Variants in WWOX observed in about 807,000 individuals in gnomAD.
The protein encoded by WWOX is WW domain containing oxidoreductase, also known as WW domain-containing oxidoreductase.
Under a neutral mutation model 46.2 loss-of-function variants are expected in WWOX, and 69 were observed. The observed-to-expected ratio is 1.49, with a 90% CI of 1.23 to 1.82. WWOX has a LOEUF of 1.82. WWOX is among the 40% of genes most tolerant of loss of function. The pLI, the probability that WWOX is intolerant of heterozygous loss-of-function variation, is 0.00. For missense variants in WWOX, 919 were observed against 542.6 expected, an observed-to-expected ratio of 1.69 and a Z score of -6.89; for synonymous variants, 359 against 202.6, an observed-to-expected ratio of 1.77 and a Z score of -6.56.
Position 79,139,875 on chromosome 16 carries a change from C to G in WWOX, c.1057-71733C>G, listed in dbSNP as rs575396514. On this transcript the variant is annotated intron_variant, in intron 8 of 8. Coordinates refer to ENST00000566780, the MANE Select transcript of WWOX (RefSeq NM_016373.4). ...ACTAATTCTGTTACGTGTTATGGCGCATACCCAAGACCCTCCCCATAAACT... is the reference window on the plus strand; with the variant it reads ...ACTAATTCTGTTACGTGTTATGGCGGATACCCAAGACCCTCCCCATAAACT... Among the ~76,000 whole-genome samples, 73 of 152,324 alleles carry G rather than the reference C, an allele frequency of 4.8e-4. 1 individual carries two copies. The highest frequency in any genetic ancestry group is 3.4e-3 in the Middle Eastern group (1 of 294).
chr16:78,123,606 T>C (rs10431978), intron 4 of WWOX: 52,716 of 150,848 alleles, frequency 0.35, 9,307 homozygotes, highest in Non-Finnish European at 0.37. Context: ...TCCAGGCACC[T>C]GCCAACACGT....
chr16:78,517,171 G>C (rs530702715), intron 8 of WWOX, among the ~76,000 whole-genome samples: 27 of 152,266 alleles, frequency 1.8e-4, no homozygotes, highest in African/African-American at 5.8e-4. Context: ...TTTTATAGGA[G>C]TGTGAATGAT....
chr16:78,944,485 C>G (rs866386856), intron 8 of WWOX, among the ~76,000 whole-genome samples: 1 of 152,168 alleles, frequency 6.6e-6, no homozygotes, highest in African/African-American at 2.4e-5. Flanking sequence ...CTGACAAAAA[C>G]TGGTCCTCAA....
intron 8 of WWOX, among the ~76,000 whole-genome samples, chr16:79,142,118 A>T (rs2050101576): frequency 6.6e-6 from 1 of 151,984 alleles, no homozygotes; most frequent in African/African-American, 2.4e-5. Context: ...TCATTTATTT[A>T]TTCTTTTCAC....
chr16:78,872,551 ATTTC>A (rs1421577248), intron 8 of WWOX, among the ~76,000 whole-genome samples: 2 of 152,132 alleles, frequency 1.3e-5, no homozygotes, highest in African/African-American at 4.8e-5. Context: ...CTAAGCCTCA[ATTTC>A]TTTGTTTTAA....
At chr16:78,147,117 G>C (rs1287974559) in intron 4 of WWOX, among the ~76,000 whole-genome samples, 2 of 151,632 alleles carry the variant, frequency 1.3e-5, no homozygotes, top group East Asian at 3.9e-4. Context: ...AGATATCTAA[G>C]ATAGTGATCT....
chr16:78,606,885 G>C (rs944821913), intron 8 of WWOX, among the ~76,000 whole-genome samples: 4 of 152,140 alleles, frequency 2.6e-5, no homozygotes, highest in African/African-American at 4.8e-5. Flanking sequence ...GGCAGGGATT[G>C]TTGGGGAGAA....
At chr16:78,787,631 C>A (rs953069644) in intron 8 of WWOX, among the ~76,000 whole-genome samples, 1 of 152,128 alleles carries the variant, frequency 6.6e-6, no homozygotes, top group African/African-American at 2.4e-5. Context: ...CATACATGTA[C>A]TGTTTTTATG....
At chr16:79,169,331 C>T (rs565043336) in intron 8 of WWOX, among the ~76,000 whole-genome samples, 7 of 152,312 alleles carry the variant, frequency 4.6e-5, no homozygotes, top group East Asian at 1.9e-4. Flanking sequence ...GATCAAGCCC[C>T]AGAGGGCCAT....
intron 8 of WWOX, among the ~76,000 whole-genome samples, chr16:79,062,554 G>C (rs911863971): frequency 1.3e-5 from 2 of 152,064 alleles, no homozygotes; most frequent in Non-Finnish European, 2.9e-5. Flanking sequence ...CAAGCACTTA[G>C]GAATAATCTG....
intron 8 of WWOX, among the ~76,000 whole-genome samples, chr16:78,751,718 G>A (rs939452217): frequency 6.0e-5 from 9 of 151,164 alleles, no homozygotes; most frequent in Admixed American, 4.0e-4. Flanking sequence ...TTACCAACAC[G>A]TAGACATGTT....
chr16:78,297,368 G>T (rs189800206), intron 5 of WWOX, among the ~76,000 whole-genome samples: 2 of 152,122 alleles, frequency 1.3e-5, no homozygotes, highest in Non-Finnish European at 2.9e-5. Context: ...ATGGCATCAT[G>T]TAGGGAGCCT....
intron 7 of WWOX, among the ~76,000 whole-genome samples, chr16:78,425,981 G>A (rs1426543463): frequency 6.6e-6 from 1 of 152,108 alleles, no homozygotes; most frequent in African/African-American, 2.4e-5. Flanking sequence ...TTGGAAGAGA[G>A]AGACCAGCCA....
chr16:78,790,546 C>T (rs533578725), intron 8 of WWOX, among the ~76,000 whole-genome samples: 18 of 152,258 alleles, frequency 1.2e-4, no homozygotes, highest in African/African-American at 2.9e-4. Flanking sequence ...TATCTACTAC[C>T]GTGGACAACC....
intron 8 of WWOX, among the ~76,000 whole-genome samples, chr16:78,590,933 A>C (rs912942855): frequency 1.3e-5 from 2 of 152,188 alleles, no homozygotes; most frequent in African/African-American, 4.8e-5. Flanking sequence ...GAGTTTCTGC[A>C]CACGTATGGA....
At chr16:78,713,854 C>T (rs567988616) in intron 8 of WWOX, among the ~76,000 whole-genome samples, 6 of 152,170 alleles carry the variant, frequency 3.9e-5, no homozygotes, top group Non-Finnish European at 5.9e-5. Flanking sequence ...GAAACAGATA[C>T]CTCCGCCAGG....
chr16:78,233,622 G>A (rs2037343315), intron 5 of WWOX, among the ~76,000 whole-genome samples: 1 of 150,600 alleles, frequency 6.6e-6, no homozygotes, highest in East Asian at 2.0e-4. Context: ...CGCCTCCCGG[G>A]TTCATGCCAT....
chr16:78,831,302 G>C (rs1597688541), intron 8 of WWOX, among the ~76,000 whole-genome samples: 1 of 152,328 alleles, frequency 6.6e-6, no homozygotes, highest in African/African-American at 2.4e-5. Context: ...GGCTCCTGGA[G>C]GATTGATATC....
intron 5 of WWOX, among the ~76,000 whole-genome samples, chr16:78,331,570 C>A (rs1326648462): frequency 2.0e-5 from 3 of 152,196 alleles, no homozygotes; most frequent in African/African-American, 7.2e-5. Context: ...GTCTACCAGG[C>A]AGCACACAGA....
Sources: allele counts gnomAD v4.1 joint callset (sites outside exome capture counted in the v4.1 genomes callset), GRCh38; gene constraint gnomAD v4.1.1; transcripts MANE v1.5; gene names NCBI Gene and HGNC (gene_info 2026-07-23, HGNC 2026-07-21).